Variants in DAB1 observed in about 807,000 individuals in gnomAD.
DAB1 encodes the protein DAB adaptor protein 1, also known as disabled homolog 1.
DAB1 carries 15 observed loss-of-function variants against 64.6 expected under a neutral mutation model. That is an observed-to-expected ratio of 0.23 (90% CI 0.16 to 0.36). DAB1 has a LOEUF of 0.36. Among genes scored for constraint, DAB1 ranks in the 10% least tolerant of loss-of-function variants. DAB1 has a pLI of 1.00. For synonymous variants in DAB1, 235 were observed against 251.9 expected (o/e 0.93, Z 0.64); for missense variants, 596 against 706.7 (o/e 0.84, Z 1.78).
At chr1:57,080,083 T>C (rs1355776292) in intron 4 of DAB1, among the ~76,000 whole-genome samples, 2 of 152,234 alleles carry the variant, frequency 1.3e-5, no homozygotes, top group Admixed American at 6.5e-5. Flanking sequence ...ATACAATTTA[T>C]CATTACCATT....
At chr1:57,938,851 C>T (rs1645063769) in intron 5 of DAB1, among the ~76,000 whole-genome samples, 1 of 151,994 alleles carries the variant, frequency 6.6e-6, no homozygotes. Flanking sequence ...CCATCTGCCT[C>T]TTCTGGGGAC....
chr1:58,093,272 G>C lies in DAB1; in HGVS notation n.387+57239C>G, dbSNP rs1279639467. Among the ~76,000 whole-genome samples, 5 of 152,338 alleles carry C rather than the reference G, an allele frequency of 3.3e-5. No individual in the cohort carries two copies. The South Asian group carries it at 8.3e-4, about 25-fold the overall frequency. On this transcript the variant is annotated intron_variant and non_coding_transcript_variant, in intron 5 of 20. Coordinates refer to the DAB1 transcript ENST00000485760. ...GGCAGCTGAGTATGCAATCGGGAAAGCTGATAGACAGTGTAGGGGCAGAAG... is the reference window on the plus strand; with the variant it reads ...GGCAGCTGAGTATGCAATCGGGAAACCTGATAGACAGTGTAGGGGCAGAAG...
chr1:57,566,134 C>T (rs1645117530), intron 7 of DAB1, among the ~76,000 whole-genome samples: 1 of 152,220 alleles, frequency 6.6e-6, no homozygotes, highest in Non-Finnish European at 1.5e-5. Context: ...CTCAAAACCA[C>T]TCAACTACAT....
intron 1 of DAB1, among the ~76,000 whole-genome samples, chr1:57,385,253 G>T (rs1558283650): frequency 6.6e-6 from 1 of 152,176 alleles, no homozygotes; most frequent in Non-Finnish European, 1.5e-5. Flanking sequence ...AGAGAAATAG[G>T]ACAACCTTGA....
intron 7 of DAB1, among the ~76,000 whole-genome samples, chr1:57,545,160 C>T (rs1644842715): frequency 6.6e-6 from 1 of 152,146 alleles, no homozygotes. Flanking sequence ...TTCCAGGTGT[C>T]CACATGACTG....
chr1:57,106,127 C>G (rs1655114566), intron 4 of DAB1, among the ~76,000 whole-genome samples: 1 of 152,186 alleles, frequency 6.6e-6, no homozygotes, highest in Non-Finnish European at 1.5e-5. Flanking sequence ...CTCCCTTTCT[C>G]TTAGGCAACG....
chr1:57,844,801 T>A (rs995506293), intron 1 of DAB1, among the ~76,000 whole-genome samples: 2 of 152,104 alleles, frequency 1.3e-5, no homozygotes, highest in Non-Finnish European at 2.9e-5. Context: ...TCAGGCTGTA[T>A]ACATCTAGGA....
intron 4 of DAB1, among the ~76,000 whole-genome samples, chr1:58,171,467 C>T (rs780532149): frequency 3.3e-5 from 5 of 152,244 alleles, no homozygotes; most frequent in Non-Finnish European, 7.3e-5. Context: ...AGATCTTAGA[C>T]TCATCAATGA....
At chr1:58,118,869 C>T (rs1369438549) in intron 5 of DAB1, among the ~76,000 whole-genome samples, 2 of 151,838 alleles carry the variant, frequency 1.3e-5, no homozygotes, top group Non-Finnish European at 2.9e-5. Context: ...AACCACTACA[C>T]AATACAGCCT....
At position 57,136,547 on chromosome 1, in the gene DAB1, G is replaced by T; in HGVS notation, c.302C>A (p.Thr101Lys). ...CCATGTGATTGCTTTACTTACCCCT[G>T]TCTTCTCATCAAAGATTTTGATTCC... is the stretch of plus-strand genomic sequence containing the variant. ...FGGIKIFDEK[T>K]GALQHHHAVH... The change falls in exon 4 of 15, where the codon ACA (threonine) becomes AAA (lysine). Residue 101 changes from threonine (T) to lysine (K), a missense_variant. By Grantham distance (78) the Thr-to-Lys change is moderately conservative. Transcript: ENST00000371236. The T allele has an allele frequency of 6.7e-7, 1 of 1,489,904 alleles. No homozygotes were observed. The highest frequency in any genetic ancestry group is 9.1e-7 in the Non-Finnish European group (1 of 1,098,038). 92.3% of individuals were successfully genotyped at this position (1,489,904 alleles called of 1,614,324 possible).
At position 57,575,304 on chromosome 1, in the gene DAB1, A is replaced by G. The variant is rs146976336; in HGVS notation, n.625+74288T>C. 5.9e-5 allele frequency among the ~76,000 whole-genome samples: 9 copies of G among 152,364 alleles called. No individual in the cohort carries two copies. In the East Asian group the frequency reaches 1.5e-3, roughly 26 times the overall value. ...GTTGAATAGTGTTAATAGTACCTTT[A>G]AATTGATCATAAAAATTCTACATCT... On this transcript the variant is annotated intron_variant and non_coding_transcript_variant, in intron 7 of 20. Coordinates refer to the DAB1 transcript ENST00000485760.
At chr1:58,442,721 T>C (rs1284596711) in intron 3 of DAB1, among the ~76,000 whole-genome samples, 1 of 152,050 alleles carries the variant, frequency 6.6e-6, no homozygotes, top group Non-Finnish European at 1.5e-5. Context: ...TCTTTTGAAT[T>C]TTAAAATGGG....
At chr1:57,409,803 C>T (rs541899773) in intron 1 of DAB1, among the ~76,000 whole-genome samples, 9 of 152,220 alleles carry the variant, frequency 5.9e-5, no homozygotes, top group South Asian at 4.1e-4. Context: ...AGCTAGACTC[C>T]GTCTCCAAAA....
At chr1:57,597,950 A>AT (rs531757601) in intron 7 of DAB1, among the ~76,000 whole-genome samples, 1 of 152,038 alleles carries the variant, frequency 6.6e-6, no homozygotes, top group African/African-American at 2.4e-5. Context: ...ATGTATCCAC[A>AT]TTTTTATTTA....
intron 3 of DAB1, among the ~76,000 whole-genome samples, chr1:58,353,946 C>T (rs1644082935): frequency 6.6e-6 from 1 of 152,124 alleles, no homozygotes; most frequent in Non-Finnish European, 1.5e-5. Flanking sequence ...GTGCATTATG[C>T]CATTCTACCT....
intron 4 of DAB1, among the ~76,000 whole-genome samples, chr1:58,172,838 A>C (rs187280538): frequency 2.0e-5 from 3 of 152,396 alleles, no homozygotes; most frequent in Non-Finnish European, 4.4e-5. Flanking sequence ...AAAAGGAAGA[A>C]GAATAAATGT....
At chr1:57,062,826 C>G (rs1650533420) in intron 9 of DAB1, 58 bp downstream of exon 9, 2 of 1,413,664 alleles carry the variant, frequency 1.4e-6, no homozygotes, top group East Asian at 2.3e-5. Context: ...AGGCTGTAGA[C>G]AGCCTCAGTG....
chr1:57,434,776 T>C (rs1262800602), intron 7 of DAB1, among the ~76,000 whole-genome samples: 1 of 152,202 alleles, frequency 6.6e-6, no homozygotes, highest in Non-Finnish European at 1.5e-5. Flanking sequence ...TAGGCAATTA[T>C]AATACAATGG....
chr1:57,005,738 G>C (rs1200335816), intron 14 of DAB1, among the ~76,000 whole-genome samples: 1 of 152,070 alleles, frequency 6.6e-6, no homozygotes, highest in African/African-American at 2.4e-5. Flanking sequence ...ACTTAATCTG[G>C]GTCTAGATTC....
Sources: gnomAD v4.1 joint callset for allele counts (sites outside exome capture counted in the v4.1 genomes callset) on GRCh38, gnomAD v4.1.1 for gene constraint, MANE v1.5 for transcripts, NCBI Gene and HGNC (gene_info 2026-07-23, HGNC 2026-07-21) for gene names.